SPTBN4: variants seen among roughly 807,000 people sequenced by gnomAD.
SPTBN4 encodes spectrin beta chain, non-erythrocytic 4.
In SPTBN4, 96 loss-of-function variants were observed where a neutral mutation model predicts 277.8. The ratio of observed to expected loss-of-function variants is 0.35; its 90% CI spans 0.29 to 0.41. The LOEUF is 0.41. Among genes scored for constraint, SPTBN4 ranks in the 10% least tolerant of loss-of-function variants. The probability of loss-of-function intolerance (pLI) is 1.00; values close to 1 mark genes in which losing one functional copy is unlikely to be tolerated. For missense variants in SPTBN4, 3,006 were observed against 3,595.7 expected (o/e 0.84, Z 4.19); for synonymous variants, 1,481 against 1,580.3 (o/e 0.94, Z 1.49).
At chr19:40,477,708 T>C (rs1012295878) in intron 2 of SPTBN4, among the ~76,000 whole-genome samples, 1 of 152,134 alleles carries the variant, frequency 6.6e-6, no homozygotes, top group African/African-American at 2.4e-5. Context: ...GCATGAACAC[T>C]GGAGTGAAGA....
Position 40,567,911 on chromosome 19 carries a change from G to A in SPTBN4, c.6585G>A (p.Leu2195=), listed in dbSNP as rs780696814. 1 of 1,522,610 alleles carries A rather than the reference G, an allele frequency of 6.6e-7. No homozygotes were observed. The highest frequency in any genetic ancestry group is 8.8e-7 in the Non-Finnish European group (1 of 1,138,366). 94.3% of individuals were successfully genotyped at this position (1,522,610 alleles called of 1,614,324 possible). A position where few individuals can be genotyped will look rare whatever the true frequency, so the allele number is the denominator to read the frequency against. ...PERLQPRIDR[L]PEIPGRVEPA... Reference sequence around the variant, plus strand: ...GCCTCCAGCCGCGCATTGACCGGCTGCCGGAGATCCCGGGGAGGGTGGAGC... The same window carrying A: ...GCCTCCAGCCGCGCATTGACCGGCTACCGGAGATCCCGGGGAGGGTGGAGC... Residue 2195 remains leucine, a synonymous_variant, in exon 31 of 36, where the codon CTG becomes CTA. Transcript: ENST00000598249.
intron 4 of SPTBN4, among the ~76,000 whole-genome samples, chr19:40,491,406 T>G (rs1300724616): frequency 6.6e-6 from 1 of 151,948 alleles, no homozygotes; most frequent in Non-Finnish European, 1.5e-5. Flanking sequence ...GGGGAGAGGT[T>G]GCAACATTTT....
intron 25 of SPTBN4, among the ~76,000 whole-genome samples, chr19:40,556,519 T>C (rs1293065399): frequency 2.0e-5 from 3 of 152,238 alleles, no homozygotes; most frequent in African/African-American, 7.2e-5. Context: ...CTTATTGTTA[T>C]TTTTATTGTT....
In SPTBN4 at chr19:40,490,615, G is replaced by A. The variant is rs941136071; in HGVS notation, c.495+367G>A. On this transcript the variant is annotated intron_variant, in intron 4 of 35. Coordinates refer to ENST00000598249, the MANE Select transcript of SPTBN4 (RefSeq NM_020971.3). This position sits in a 1 kb window ranked among gnomAD's most constrained non-coding sequence, Gnocchi z 4.3. Reference sequence around the variant, plus strand: ...TGTTGGAGCTGAAATTCGAATCCAGGCAATCTTGATCCAGTATAGAGACAA... The same window carrying A: ...TGTTGGAGCTGAAATTCGAATCCAGACAATCTTGATCCAGTATAGAGACAA... 6.6e-6 allele frequency among the ~76,000 whole-genome samples: 1 copy of A among 152,148 alleles called. No individual in the cohort carries two copies. The highest frequency in any genetic ancestry group is 1.5e-5 in the Non-Finnish European group (1 of 68,034).
chr19:40,569,444 A>G (rs1300303330), intron 31 of SPTBN4, among the ~76,000 whole-genome samples: 1 of 151,480 alleles, frequency 6.6e-6, no homozygotes, highest in Non-Finnish European at 1.5e-5. Flanking sequence ...AAAAAAAAAA[A>G]ATTCAAAGGG....
chr19:40,488,975 C>G (rs1321517128), intron 3 of SPTBN4, among the ~76,000 whole-genome samples: 3 of 151,676 alleles, frequency 2.0e-5, no homozygotes, highest in African/African-American at 7.3e-5. Context: ...GACCCTGTCT[C>G]AAAAATAAAT....
At chr19:40,484,206 C>T (rs538202545) in intron 2 of SPTBN4, among the ~76,000 whole-genome samples, 3 of 152,208 alleles carry the variant, frequency 2.0e-5, no homozygotes, top group South Asian at 2.1e-4. Flanking sequence ...ACCATCACCC[C>T]TTCCCTTAAC....
chr19:40,526,962 G>A (rs1343789946), intron 17 of SPTBN4, among the ~76,000 whole-genome samples: 1 of 152,114 alleles, frequency 6.6e-6, no homozygotes, highest in Non-Finnish European at 1.5e-5. Flanking sequence ...TGACAGTTTG[G>A]CTGCTGAAGG....
chr19:40,571,040 T>G (rs2081152060), intron 33 of SPTBN4: 1 of 353,080 alleles, frequency 2.8e-6, no homozygotes, highest in Admixed American at 4.9e-5. Context: ...GGTTAGTGCA[T>G]CTAATGGATG....
At chr19:40,559,166 G>A (rs1030691631) in intron 26 of SPTBN4, among the ~76,000 whole-genome samples, 21 of 151,986 alleles carry the variant, frequency 1.4e-4, no homozygotes, top group Non-Finnish European at 2.8e-4. Flanking sequence ...CTGACCTCAA[G>A]TGATCTGCCC....
Position 40,556,265 on chromosome 19 carries a change from G to C in SPTBN4, c.5266G>C (p.Gly1756Arg). 6.2e-7 allele frequency: 1 copy of C among 1,613,234 alleles called. No individual in the cohort carries two copies. The highest frequency in any genetic ancestry group is 1.1e-5 in the South Asian group (1 of 91,020). ...GGTGGTGGCTGGCTCACCCGAGCTCGGCCAGGACTTTGAGCATGTCTCGGT... is the reference window on the plus strand; with the variant it reads ...GGTGGTGGCTGGCTCACCCGAGCTCCGCCAGGACTTTGAGCATGTCTCGGT... ...KEVVAGSPEL[G>R]QDFEHVSVLQ... The change falls in exon 25 of 36, where the codon GGC (glycine) becomes CGC (arginine). Residue 1756 changes from glycine to arginine, a missense_variant. Gly to Arg is a moderately radical substitution (Grantham distance 125). Transcript: ENST00000598249.
At chr19:40,530,585 CT>C in intron 18 of SPTBN4, 1 of 980,854 alleles carries the variant, frequency 1.0e-6, no homozygotes, top group South Asian at 4.7e-5. Context: ...GCCACTGCCG[CT>C]TCAGGTCTCG....
At position 40,557,037 on chromosome 19, in the gene SPTBN4, A is replaced by C; in HGVS notation, c.5304A>C (p.Lys1768Asn). Residue 1768 changes from lysine to asparagine, a missense_variant, in exon 26 of 36, where the codon AAA becomes AAC. By Grantham distance (94) the Lys-to-Asn change is moderately conservative (BLOSUM62 0). Around this residue, in one of 5 missense-constraint regions of SPTBN4, gnomAD observed 425 missense variants for 594.7 expected, o/e 0.71. Coordinates refer to ENST00000598249, the MANE Select transcript of SPTBN4 (RefSeq NM_020971.3). ...CCTGATGGCAGGTGCTGCAGGAGAA[A>C]TTCTCAGAGTTTGCCAGCGAGACAG... is the stretch of plus-strand genomic sequence containing the variant. ...DFEHVSVLQE[K>N]FSEFASETGM... is the part of the protein sequence containing the mutation. The C allele has an allele frequency of 7.1e-7, 1 of 1,410,326 alleles. No individual in the cohort carries two copies. The highest frequency in any genetic ancestry group is 9.5e-7 in the Non-Finnish European group (1 of 1,056,964). 87.4% of individuals were successfully genotyped at this position (1,410,326 alleles called of 1,614,324 possible).
At position 40,566,369 on chromosome 19, in the gene SPTBN4, C is replaced by A. The variant is rs1315117250; in HGVS notation, c.6336+10C>A. On this transcript the variant is annotated intron_variant, in intron 30 of 35. Transcript: ENST00000598249. ...GCGGCGCCTGACCACGGTCAGCTCC[C>A]CAGATACTGCCCCATTACCCCCACC... The A allele has an allele frequency of 6.6e-7, 1 of 1,516,874 alleles. No homozygotes were observed. Among genetic ancestry groups the A allele is most frequent in the East Asian group, 2.4e-5 (1 of 41,224 alleles). 94.0% of individuals were successfully genotyped at this position (1,516,874 alleles called of 1,614,324 possible). A position where few individuals can be genotyped will look rare whatever the true frequency, so the allele number is the denominator to read the frequency against.
At chr19:40,505,617 C>A in intron 12 of SPTBN4, among the ~76,000 whole-genome samples, 1 of 151,386 alleles carries the variant, frequency 6.6e-6, no homozygotes, top group Admixed American at 6.6e-5. Flanking sequence ...TTGCAGTGAG[C>A]TGAGATCGCG....
chr19:40,554,252 CG>C lies in SPTBN4; in HGVS notation c.4784del (p.Gly1595AlafsTer50). 6.5e-7 allele frequency: 1 copy of C among 1,528,334 alleles called. No individual in the cohort carries two copies. The highest frequency in any genetic ancestry group is 2.5e-5 in the East Asian group (1 of 40,094). 94.7% of individuals were successfully genotyped at this position (1,528,334 alleles called of 1,614,324 possible). A position where few individuals can be genotyped will look rare whatever the true frequency, so the allele number is the denominator to read the frequency against. Reference protein sequence around the residue: ...LRSPEAEAVRRGLEQLQSAWA... With the variant: ...LRSPEAEAVRXGLEQLQSAWA... ...CAGCCCGGAGGCAGAGGCAGTGCGC[CG>C]GGGCCTGGAGCAGCTGCAGAGCGCC... On this transcript the variant is annotated frameshift_variant, in exon 23 of 36. Coordinates refer to ENST00000598249, the MANE Select transcript of SPTBN4 (RefSeq NM_020971.3). LOFTEE classifies it high-confidence loss of function. The surrounding 1 kb of genome is among the most constrained non-coding windows in gnomAD (Gnocchi z 5.7).
At chr19:40,533,990 C>T (rs2080706648) in intron 19 of SPTBN4, 90 bp from the exon 20 acceptor site, 3 of 1,443,490 alleles carry the variant, frequency 2.1e-6, no homozygotes, top group Non-Finnish European at 2.8e-6. Flanking sequence ...CACATCCTTC[C>T]CTGTGTCCTG....
At chr19:40,531,694 G>T (rs146138987) in intron 18 of SPTBN4, among the ~76,000 whole-genome samples, 2 of 151,606 alleles carry the variant, frequency 1.3e-5, no homozygotes, top group East Asian at 3.9e-4. Context: ...CGTGAGAGGG[G>T]CCCACTCTTG....
chr19:40,478,562 T>G (rs563544384), intron 2 of SPTBN4, among the ~76,000 whole-genome samples: 1 of 152,232 alleles, frequency 6.6e-6, no homozygotes, highest in African/African-American at 2.4e-5. Flanking sequence ...TTTATTTTTT[T>G]TGAGACAGAG....
Sources: gnomAD v4.1 joint callset for allele counts (sites outside exome capture counted in the v4.1 genomes callset) on GRCh38, gnomAD v4.1.1 for gene constraint, gnomAD v4.1.1 regional missense constraint, Gnocchi (gnomAD v3.1) non-coding constraint, MANE v1.5 for transcripts, NCBI Gene and HGNC (gene_info 2026-07-23, HGNC 2026-07-21) for gene names.